The following ADCY1 variants were observed in gnomAD, a reference collection of about 807,000 sequenced individuals.
ADCY1 encodes adenylate cyclase 1, also known as adenylate cyclase type 1.
In ADCY1, 28 loss-of-function variants were observed where a neutral mutation model predicts 105.4. The ratio of observed to expected loss-of-function variants is 0.27; its 90% CI spans 0.20 to 0.36. The LOEUF is 0.36. ADCY1 is among the 10% of genes least tolerant of loss of function. The probability of loss-of-function intolerance (pLI) is 1.00; values close to 1 mark genes in which losing one functional copy is unlikely to be tolerated. For missense variants in ADCY1, 977 were observed against 1,434.2 expected (o/e 0.68, Z 5.15); for synonymous variants, 655 against 623.8 (o/e 1.05, Z -0.75).
intron 1 of ADCY1, among the ~76,000 whole-genome samples, chr7:45,581,216 A>G (rs1792529528): frequency 1.3e-5 from 2 of 152,010 alleles, no homozygotes; most frequent in African/African-American, 4.8e-5. Context: ...GTTAATATGA[A>G]TGGATTGTGC....
At chr7:45,706,002 G>A (rs1324478374) in intron 17 of ADCY1, among the ~76,000 whole-genome samples, 1 of 152,146 alleles carries the variant, frequency 6.6e-6, no homozygotes, top group East Asian at 1.9e-4. Context: ...AACAAACTAT[G>A]TACAAGATCT....
At chr7:45,581,743 C>T (rs1224440589) in intron 1 of ADCY1, among the ~76,000 whole-genome samples, 1 of 152,170 alleles carries the variant, frequency 6.6e-6, no homozygotes, top group Non-Finnish European at 1.5e-5. Flanking sequence ...ACCTTTCCTG[C>T]TCTCCATTTG....
intron 5 of ADCY1, among the ~76,000 whole-genome samples, chr7:45,651,575 G>A (rs1011230553): frequency 6.6e-6 from 1 of 152,268 alleles, no homozygotes; most frequent in East Asian, 1.9e-4. Flanking sequence ...TCCATGCTGG[G>A]CCTCGCAGCT....
At position 45,710,826 on chromosome 7, in the gene ADCY1, T is replaced by C. The variant is rs1400931817; in HGVS notation, c.3057+174T>C. Among the ~76,000 whole-genome samples the C allele has an allele frequency of 6.6e-6, 1 of 152,106 alleles. No homozygotes were observed. The highest frequency in any genetic ancestry group is 1.5e-5 in the Non-Finnish European group (1 of 68,012). ...GGGCATCCTGGCCCGGGCATCTTGA[T>C]TTTGCTGTTTGGTTTGTCATTTAGC... On this transcript the variant is annotated intron_variant, in intron 19 of 19. Coordinates refer to ENST00000297323, the MANE Select transcript of ADCY1 (RefSeq NM_021116.4). The surrounding 1 kb of genome is among the most constrained non-coding windows in gnomAD (Gnocchi z 4.7).
chr7:45,714,258 T>G lies in ADCY1; in HGVS notation c.*263T>G. 6 of 501,874 alleles carry G rather than the reference T, an allele frequency of 1.2e-5. No individual in the cohort carries two copies. The highest frequency in any genetic ancestry group is 3.5e-5 in the Admixed American group (1 of 28,944). 31.1% of individuals were successfully genotyped at this position (501,874 alleles called of 1,614,324 possible). A position where few individuals can be genotyped will look rare whatever the true frequency, so the allele number is the denominator to read the frequency against. On this transcript the variant is annotated 3_prime_UTR_variant, in exon 20 of 20. Transcript: ENST00000297323. ...CCCTGGAGAGGTGTCCACTCCATCC[T>G]TCCCTCCGTGGCGTAGGGAGCACTG...
In ADCY1 at chr7:45,716,264, A is replaced by C. The variant is rs1785355708; in HGVS notation, c.*2269A>C. ...ATCGAGGGCTCCTGAGCTCATCCTG[A>C]GGACCCAGGGTCCATCTGAGCTGGC... On this transcript the variant is annotated 3_prime_UTR_variant, in exon 20 of 20. Transcript: ENST00000297323. The C allele has an allele frequency of 6.6e-6, 1 of 152,512 alleles. No individual in the cohort carries two copies. Among genetic ancestry groups the C allele is most frequent in the South Asian group, 2.1e-4 (1 of 4,838 alleles). The allele number at this position is 152,512 out of a possible 1,614,324, so 9.4% of individuals were successfully genotyped here. A position where few individuals can be genotyped will look rare whatever the true frequency, so the allele number is the denominator to read the frequency against.
chr7:45,661,384 G>A (rs574204145), intron 7 of ADCY1, among the ~76,000 whole-genome samples: 54 of 152,164 alleles, frequency 3.5e-4, no homozygotes, highest in Admixed American at 3.1e-3. Flanking sequence ...CCAAGGAAGG[G>A]GTACCGCATT....
rs1785256740 is a variant in ADCY1 at position 45,711,950 on chromosome 7, T to TTAAATATATAAATACA, written c.3057+1300_3057+1301insAATATATAAATACATA. ...ATTATATTAAATATATAAATACATA[T>TTAAATATATAAATACA]TATATTAAATATATAAATACATATT... On this transcript the variant is annotated intron_variant, in intron 19 of 19. Coordinates refer to ENST00000297323, the MANE Select transcript of ADCY1 (RefSeq NM_021116.4). Among the ~76,000 whole-genome samples the TTAAATATATAAATACA allele has an allele frequency of 3.3e-5, 3 of 91,248 alleles. No individual in the cohort carries two copies. The Admixed American group carries it at 4.7e-4, about 14-fold the overall frequency. The allele number at this position is 91,248 out of a possible 152,430, so 59.9% of individuals were successfully genotyped here.
At chr7:45,583,845 C>G (rs555681113) in intron 1 of ADCY1, among the ~76,000 whole-genome samples, 106 of 150,328 alleles carry the variant, frequency 7.1e-4, no homozygotes, top group African/African-American at 2.5e-3. Flanking sequence ...TCTCCATGTT[C>G]GTCAGGCTGG....
chr7:45,641,946 A>AAAAAAAAAAAAAAAAAAAAAG (rs1562702616), intron 4 of ADCY1, among the ~76,000 whole-genome samples: 1 of 143,292 alleles, frequency 7.0e-6, no homozygotes, highest in Non-Finnish European at 1.5e-5. Flanking sequence ...AAAAAAAAAA[A>AAAAAAAAAAAAAAAAAAAAAG]TGTCTTTTCA....
intron 18 of ADCY1, among the ~76,000 whole-genome samples, chr7:45,709,171 T>C (rs769635140): frequency 2.6e-5 from 4 of 152,192 alleles, no homozygotes; most frequent in Non-Finnish European, 5.9e-5. Context: ...TGTGGAGTTC[T>C]GATGTCCTGA....
chr7:45,658,717 CAG>C (rs577837632), intron 6 of ADCY1, among the ~76,000 whole-genome samples: 38 of 152,350 alleles, frequency 2.5e-4, no homozygotes, highest in Non-Finnish European at 3.5e-4. Flanking sequence ...CAGGAATGCA[CAG>C]ACACTTGCCT....
At chr7:45,656,495 C>T (rs1373179280) in intron 5 of ADCY1, among the ~76,000 whole-genome samples, 1 of 152,166 alleles carries the variant, frequency 6.6e-6, no homozygotes, top group East Asian at 1.9e-4. Context: ...GCTGCTGGGG[C>T]CTCCATGTGC....
rs754319377 is a variant in ADCY1 at position 45,677,874 on chromosome 7, G to A, written c.1611G>A (p.Arg537=). The change falls in exon 9 of 20, where the codon AGG becomes AGA. Residue 537 remains arginine, a synonymous_variant. Transcript: ENST00000297323. ...VMTCEDDDKR[R]ALRTASEKLR... The stretch of plus-strand genomic sequence containing the variant: ...TATTTCCATGATGGCTCCAGCGGAG[G>A]GCATTAAGAACAGCCTCGGAAAAAC... 1.2e-6 allele frequency: 2 copies of A among 1,613,572 alleles called. No homozygotes were observed. The highest frequency in any genetic ancestry group is 1.7e-6 in the Non-Finnish European group (2 of 1,179,866).
chr7:45,661,089 C>G (rs1795088807), intron 7 of ADCY1, among the ~76,000 whole-genome samples: 1 of 152,040 alleles, frequency 6.6e-6, no homozygotes, highest in Non-Finnish European at 1.5e-5. Flanking sequence ...GTTGGCTCTT[C>G]TTAAAGAAAC....
In ADCY1 at chr7:45,622,665, C is replaced by T. The variant is rs746499241; in HGVS notation, c.942C>T (p.Gly314=). 5.6e-6 allele frequency: 9 copies of T among 1,613,386 alleles called. No individual in the cohort carries two copies. The highest frequency in any genetic ancestry group is 5.0e-5 in the Admixed American group (3 of 59,906). ...ILFADIVGFT[G]LASQCTAQEL... ...TTGCTGACATCGTGGGTTTCACGGG[C>T]TTGGCATCCCAGTGCACAGCCCAGG... is the stretch of plus-strand genomic sequence containing the variant. The change falls in exon 4 of 20, where the codon GGC becomes GGT. Residue 314 remains glycine (G), a synonymous_variant. Transcript: ENST00000297323.
At chr7:45,689,206 G>A (rs1025533032) in intron 14 of ADCY1, among the ~76,000 whole-genome samples, 1 of 152,046 alleles carries the variant, frequency 6.6e-6, no homozygotes, top group Admixed American at 6.6e-5. Context: ...TGCGCTCACT[G>A]TCAGCAGGGC....
intron 14 of ADCY1, among the ~76,000 whole-genome samples, chr7:45,695,732 G>T (rs552996371): frequency 1.3e-5 from 2 of 152,242 alleles, no homozygotes; most frequent in Non-Finnish European, 2.9e-5. Context: ...TGGACTGTTC[G>T]TGGAGAGCAG....
At chr7:45,692,377 G>A (rs914116102) in intron 14 of ADCY1, among the ~76,000 whole-genome samples, 1 of 152,186 alleles carries the variant, frequency 6.6e-6, no homozygotes, top group Non-Finnish European at 1.5e-5. Flanking sequence ...GCCCTTGGGT[G>A]CTCACAGGCT....
Sources: allele counts gnomAD v4.1 joint callset (sites outside exome capture counted in the v4.1 genomes callset), GRCh38; gene constraint gnomAD v4.1.1; non-coding constraint Gnocchi (gnomAD v3.1); transcripts MANE v1.5; gene names NCBI Gene and HGNC (gene_info 2026-07-23, HGNC 2026-07-21).